Variants in MAP3K5 observed in about 807,000 individuals in gnomAD.
The protein encoded by MAP3K5 is mitogen-activated protein kinase kinase kinase 5.
Under a neutral mutation model 158.7 loss-of-function variants are expected in MAP3K5, and 56 were observed. The ratio of observed to expected loss-of-function variants is 0.35; its 90% confidence interval spans 0.28 to 0.44. MAP3K5 has a LOEUF of 0.44. MAP3K5 is among the 20% of genes least tolerant of loss of function. MAP3K5 has a pLI of 1.00. For missense variants in MAP3K5, 1,294 were observed against 1,674.8 expected (o/e 0.77, Z 3.97); for synonymous variants, 579 against 601.7 (o/e 0.96, Z 0.55).
intron 9 of MAP3K5, among the ~76,000 whole-genome samples, chr6:136,658,516 G>A (rs994774602): frequency 3.3e-5 from 5 of 151,554 alleles, no homozygotes; most frequent in African/African-American, 4.8e-5. Context: ...GGTTTCACCC[G>A]GTTGTCCAGG....
At chr6:136,747,801 C>G (rs914991614) in intron 1 of MAP3K5, among the ~76,000 whole-genome samples, 10 of 152,106 alleles carry the variant, frequency 6.6e-5, no homozygotes, top group African/African-American at 1.9e-4. Flanking sequence ...TGTGTAGGGA[C>G]CACATTTTGA....
intron 11 of MAP3K5, among the ~76,000 whole-genome samples, chr6:136,643,089 C>T (rs968630108): frequency 1.3e-5 from 2 of 152,058 alleles, no homozygotes; most frequent in African/African-American, 4.8e-5. Context: ...GTACAGTGCC[C>T]ATCATAACTA....
rs75431757 is a variant in MAP3K5 at position 136,661,816 on chromosome 6, C to T, written c.1367-2438G>A. 2.0e-3 allele frequency among the ~76,000 whole-genome samples: 302 copies of T among 152,294 alleles called. 8 individuals carry two copies. The East Asian group carries it at 0.048, about 24-fold the overall frequency. Reference sequence around the variant, plus strand: ...TTGGCCTCCCAAAGTTCTGGGATTACAGGCATGAACCACCATACCTGACCC... The same window carrying T: ...TTGGCCTCCCAAAGTTCTGGGATTATAGGCATGAACCACCATACCTGACCC... On this transcript the variant is annotated intron_variant, in intron 8 of 29. Coordinates refer to ENST00000359015, the MANE Select transcript of MAP3K5 (RefSeq NM_005923.4).
intron 7 of MAP3K5, among the ~76,000 whole-genome samples, chr6:136,679,104 G>A (rs745497254): frequency 3.9e-5 from 6 of 152,142 alleles, no homozygotes; most frequent in Non-Finnish European, 4.4e-5. Context: ...AGCTTTCAAA[G>A]CAATAGGTTT....
At chr6:136,695,866 C>T in intron 6 of MAP3K5, 85 bp downstream of exon 6, 2 of 724,470 alleles carry the variant, frequency 2.8e-6, no homozygotes, top group Non-Finnish European at 4.7e-6. Flanking sequence ...TCTTGCAATG[C>T]TGCAGTGAAC....
Position 136,694,157 on chromosome 6 carries a change from T to C in MAP3K5, c.1236A>G (p.Arg412=), listed in dbSNP as rs1284102693. The C allele has an allele frequency of 6.2e-7, 1 of 1,613,050 alleles. No homozygotes were observed. The highest frequency in any genetic ancestry group is 8.5e-7 in the Non-Finnish European group (1 of 1,179,664). ...LDSNFTDTES[R]DHGASWFKKA... is the part of the protein sequence containing the mutation. Reference sequence around the variant, plus strand: ...TTACTTACCAAGAAGCTCCATGGTCTCTGCTTTCAGTGTCCGTGAAATTAG... The same window carrying C: ...TTACTTACCAAGAAGCTCCATGGTCCCTGCTTTCAGTGTCCGTGAAATTAG... Residue 412 remains arginine (R), a synonymous_variant, in exon 7 of 30, where the codon AGA becomes AGG. Transcript: ENST00000359015.
intron 23 of MAP3K5, 84 bp downstream of exon 23, chr6:136,592,089 C>A (rs1775411402): frequency 7.6e-7 from 1 of 1,315,396 alleles, no homozygotes; most frequent in South Asian, 1.6e-5. Context: ...TTGCCTTTCA[C>A]ATCATCTGTG....
Position 136,592,529 on chromosome 6 carries a change from G to C in MAP3K5, c.2964C>G (p.Asp988Glu). Reference sequence around the variant, plus strand: ...AGAAGGGGTCCACTTTCAACTCCGTGTCGGGTGAAACTGAGCCGTACTCAC... The same window carrying C: ...AGAAGGGGTCCACTTTCAACTCCGTCTCGGGTGAAACTGAGCCGTACTCAC... The part of the protein sequence containing the change: ...SSSEYGSVSP[D>E]TELKVDPFSF... The change falls in exon 22 of 30, where the codon GAC becomes GAG. Residue 988 changes from aspartate (D) to glutamate (E), a missense_variant. Coordinates refer to ENST00000359015, the MANE Select transcript of MAP3K5 (RefSeq NM_005923.4). 1 of 1,610,220 alleles carries C rather than the reference G, an allele frequency of 6.2e-7. No individual in the cohort carries two copies. The highest frequency in any genetic ancestry group is 1.3e-5 in the African/African-American group (1 of 74,730).
At chr6:136,713,286 T>C (rs1372693416) in intron 2 of MAP3K5, among the ~76,000 whole-genome samples, 2 of 152,176 alleles carry the variant, frequency 1.3e-5, no homozygotes, top group African/African-American at 2.4e-5. Context: ...CCCACAGTCA[T>C]ATAATGGCAT....
chr6:136,776,886 T>G (rs1201909841), intron 1 of MAP3K5, among the ~76,000 whole-genome samples: 2 of 152,210 alleles, frequency 1.3e-5, no homozygotes, highest in Non-Finnish European at 2.9e-5. Flanking sequence ...AAAATGACAT[T>G]CTAATCATCA....
At chr6:136,668,870 G>C (rs73558224) in intron 8 of MAP3K5, among the ~76,000 whole-genome samples, 2,292 of 152,136 alleles carry the variant, frequency 0.015, 56 homozygotes, top group African/African-American at 0.052. Context: ...ATAGGGAAAG[G>C]TGTGCTTGAG....
At chr6:136,682,751 T>C (rs915725888) in intron 7 of MAP3K5, among the ~76,000 whole-genome samples, 1 of 152,174 alleles carries the variant, frequency 6.6e-6, no homozygotes, top group African/African-American at 2.4e-5. Context: ...TGACTTCATA[T>C]CTTCCCTTAA....
At chr6:136,753,849 A>G (rs1170366517) in intron 1 of MAP3K5, among the ~76,000 whole-genome samples, 1 of 152,248 alleles carries the variant, frequency 6.6e-6, no homozygotes, top group Non-Finnish European at 1.5e-5. Flanking sequence ...GGAGAACAGC[A>G]GCGTCAGGCA....
At chr6:136,605,819 G>C (rs913611785) in intron 18 of MAP3K5, among the ~76,000 whole-genome samples, 1 of 152,140 alleles carries the variant, frequency 6.6e-6, no homozygotes, top group African/African-American at 2.4e-5. Flanking sequence ...CTATTTTTCA[G>C]TTCCTAAATT....
chr6:136,757,586 ATTTTT>A (rs897486770), intron 1 of MAP3K5, among the ~76,000 whole-genome samples: 4 of 127,810 alleles, frequency 3.1e-5, no homozygotes, highest in Admixed American at 7.9e-5. Flanking sequence ...TTTATTTTTT[ATTTTT>A]TTTTTTTTTT....
At chr6:136,701,970 A>G (rs1365337584) in intron 3 of MAP3K5, among the ~76,000 whole-genome samples, 1 of 152,212 alleles carries the variant, frequency 6.6e-6, no homozygotes, top group Non-Finnish European at 1.5e-5. Flanking sequence ...GAGAATGACT[A>G]TCAGATGTCT....
chr6:136,749,283 G>A (rs1423463418), intron 1 of MAP3K5, among the ~76,000 whole-genome samples: 2 of 151,220 alleles, frequency 1.3e-5, no homozygotes, highest in Non-Finnish European at 2.9e-5. Context: ...TGAGGTAGGA[G>A]AATCGCTTGA....
At chr6:136,730,169 T>G (rs10080358) in intron 1 of MAP3K5, among the ~76,000 whole-genome samples, 4,960 of 135,262 alleles carry the variant, frequency 0.037, 65 homozygotes, top group Non-Finnish European at 0.052. Context: ...TTTTTTTTGT[T>G]TTTTGTTTTT....
rs572245982 is a variant in MAP3K5, at chr6:136,698,498, G to C, written c.797C>G (p.Ala266Gly). The change falls in exon 4 of 30, where the codon GCA (alanine) becomes GGA (glycine). Residue 266 changes from alanine to glycine, a missense_variant. This residue lies in a region of MAP3K5 where 690 missense variants were observed against 870.5 expected (regional missense o/e 0.79). Coordinates refer to ENST00000359015, the MANE Select transcript of MAP3K5 (RefSeq NM_005923.4). Reference protein sequence around the residue: ...RFIQLLKVAQASSSQYFRESI... With the variant: ...RFIQLLKVAQGSSSQYFRESI... ...ATTAATTAAACTTTACCTAGAACTT[G>C]CTTGTGCCACCTTCAAAAGTTGAAT... The C allele has an allele frequency of 1.9e-6, 3 of 1,613,606 alleles. No individual in the cohort carries two copies. Among genetic ancestry groups the C allele is most frequent in the Middle Eastern group, 1.7e-4 (1 of 6,056 alleles).
Sources: allele counts gnomAD v4.1 joint callset (sites outside exome capture counted in the v4.1 genomes callset), GRCh38; gene constraint gnomAD v4.1.1; regional missense constraint gnomAD v4.1.1; transcripts MANE v1.5; gene names NCBI Gene and HGNC (gene_info 2026-07-23, HGNC 2026-07-21).